Variants in KERA observed in about 807,000 individuals in gnomAD.
The protein encoded by KERA is keratan sulfate proteoglycan keratocan.
In KERA, 25 loss-of-function variants were observed where a neutral mutation model predicts 26.4. The ratio of observed to expected loss-of-function variants is 0.95; its 90% confidence interval spans 0.69 to 1.32. The LOEUF (loss-of-function observed/expected upper bound fraction) is 1.32, where lower values mean the gene tolerates loss of function less well. KERA is among the 40% of genes most tolerant of loss of function. KERA has a pLI of 0.00. For synonymous variants in KERA, 167 were observed against 146.1 expected, an observed-to-expected ratio of 1.14 and a Z score of -1.03; for missense variants, 434 against 408.9, an observed-to-expected ratio of 1.06 and a Z score of -0.53.
rs1220843886 is a variant in KERA at position 91,056,019 on chromosome 12, T to C, written c.263A>G (p.Glu88Gly). Residue 88 changes from glutamate (E) to glycine (G), a missense_variant, in exon 2 of 3, where the codon GAA (glutamate) becomes GGA (glycine). Physicochemically the swap from Glu to Gly is moderately conservative, Grantham distance 98 (BLOSUM62 -2). Transcript: ENST00000266719. ...LQNNLIETIP[E>G]KPFENATQLR... The stretch of plus-strand genomic sequence containing the variant: ...CTGGGTGGCATTCTCAAATGGCTTT[T>C]CAGGAATGGTTTCTATCAGGTTGTT... 1 of 1,610,194 alleles carries C rather than the reference T, an allele frequency of 6.2e-7. No homozygotes were observed. Among genetic ancestry groups the C allele is most frequent in the East Asian group, 2.2e-5 (1 of 44,798 alleles).
chr12:91,055,946 A>T lies in KERA; in HGVS notation c.336T>A (p.Ile112=). 5 of 1,611,072 alleles carry T rather than the reference A, an allele frequency of 3.1e-6. No homozygotes were observed. The highest frequency in any genetic ancestry group is 4.2e-6 in the Non-Finnish European group (5 of 1,178,144). The change falls in exon 2 of 3, where the codon ATT becomes ATA. Residue 112 remains isoleucine, a synonymous_variant. Coordinates refer to ENST00000266719, the MANE Select transcript of KERA (RefSeq NM_007035.4). ...TCAGCTGGCTTAGGGCTCCTTTTTC[A>T]ATTCCGTAGTTGGTTATTTTGTTCT... ...LNKNKITNYG[I]EKGALSQLKK...
At chr12:91,053,362 A>G (rs559441551) in intron 2 of KERA, among the ~76,000 whole-genome samples, 19 of 151,490 alleles carry the variant, frequency 1.3e-4, no homozygotes, top group African/African-American at 4.6e-4. Flanking sequence ...ATTATACTGT[A>G]TGAGTGAAAA....
intron 2 of KERA, among the ~76,000 whole-genome samples, chr12:91,054,428 G>A (rs1378884648): frequency 6.6e-6 from 1 of 151,134 alleles, no homozygotes; most frequent in Non-Finnish European, 1.5e-5. Flanking sequence ...ATTTTTAAAG[G>A]GTCTACTCTG....
rs1202916698 is a variant in KERA at position 91,055,602 on chromosome 12, C to T, written c.680G>A (p.Gly227Glu). 3.1e-6 allele frequency: 5 copies of T among 1,610,884 alleles called. No individual in the cohort carries two copies. Among genetic ancestry groups the T allele is most frequent in the Non-Finnish European group, 3.4e-6 (4 of 1,178,026 alleles). ...QLFLDNNSIE[G>E]IPENYFNVIP... is the part of the protein sequence containing the mutation. ...CACATTAAAATAATTTTCTGGTATT[C>T]CTTCAATGGAATTGTTGTCTAAAAA... Residue 227 changes from glycine to glutamate, a missense_variant, in exon 2 of 3, where the codon GGA becomes GAA. Physicochemically the swap from Gly to Glu is moderately conservative, Grantham distance 98. Transcript: ENST00000266719.
intron 1 of KERA, among the ~76,000 whole-genome samples, chr12:91,057,154 A>G (rs1043972986): frequency 1.3e-5 from 2 of 150,474 alleles, no homozygotes; most frequent in Admixed American, 1.3e-4. Context: ...AACAAAAACA[A>G]CCAAAAACAT....
chr12:91,056,091 T>C lies in KERA; in HGVS notation c.191A>G (p.Lys64Arg). 1 of 1,609,232 alleles carries C rather than the reference T, an allele frequency of 6.2e-7. No individual in the cohort carries two copies. The highest frequency in any genetic ancestry group is 8.5e-7 in the Non-Finnish European group (1 of 1,177,718). ...TCTTGAAGGAATAGCAGGAATTTCT[T>C]TGAGACCTCTATTTTCACAATATAA... ...TALYCENRGL[K>R]EIPAIPSRIW... Residue 64 changes from lysine to arginine, a missense_variant, in exon 2 of 3, where the codon AAA becomes AGA. Coordinates refer to ENST00000266719, the MANE Select transcript of KERA (RefSeq NM_007035.4).
At chr12:91,056,312 G>A in intron 1 of KERA, 23 bp from the exon 2 acceptor site, 1 of 1,580,076 alleles carries the variant, frequency 6.3e-7, no homozygotes, top group Non-Finnish European at 8.7e-7. Flanking sequence ...GAACACAACT[G>A]TTAGATATTT....
chr12:91,051,787 G>T (rs1305748804), intron 2 of KERA, among the ~76,000 whole-genome samples: 1 of 151,570 alleles, frequency 6.6e-6, no homozygotes, highest in Non-Finnish European at 1.5e-5. Flanking sequence ...ATCTGTGATA[G>T]AAACAAATGT....
At chr12:91,054,522 C>CT (rs1468824284) in intron 2 of KERA, among the ~76,000 whole-genome samples, 1 of 151,302 alleles carries the variant, frequency 6.6e-6, no homozygotes, top group East Asian at 1.9e-4. Flanking sequence ...CCAGCCTAGT[C>CT]TCATGCATAA....
At position 91,056,780 on chromosome 12, in the gene KERA, G is replaced by A. The variant is rs1427330333; in HGVS notation, c.-8-491C>T. ...TTGGCCCTTGAACCAAAGGAATGAA[G>A]GGATCAAAGAACATTTTAGCACTTT... On this transcript the variant is annotated intron_variant, in intron 1 of 2. Coordinates refer to ENST00000266719, the MANE Select transcript of KERA (RefSeq NM_007035.4). Among the ~76,000 whole-genome samples the A allele has an allele frequency of 2.0e-5, 3 of 151,152 alleles. No homozygotes were observed. In the East Asian group the frequency reaches 5.8e-4, roughly 29 times the overall value.
chr12:91,057,376 A>T (rs199685804), intron 1 of KERA, among the ~76,000 whole-genome samples: 1 of 218 alleles, frequency 4.6e-3, no homozygotes, highest in Non-Finnish European at 7.6e-3. Flanking sequence ...ATATATATTT[A>T]TATATATATA....
Position 91,055,512 on chromosome 12 carries a change from CTT to C in KERA, c.768_769del (p.Gly258IlefsTer2). ...TAGAATTGATGATACATCAAATCCT[CTT>C]GATGGGAGACCCTCATCTGACAGTT... On this transcript the variant is annotated frameshift_variant, in exon 2 of 3. Transcript: ENST00000266719. LOFTEE classifies it high-confidence loss of function. 1 of 1,609,872 alleles carries C rather than the reference CTT, an allele frequency of 6.2e-7. No homozygotes were observed. Among genetic ancestry groups the C allele is most frequent in the Non-Finnish European group, 8.5e-7 (1 of 1,177,456 alleles).
intron 2 of KERA, among the ~76,000 whole-genome samples, chr12:91,053,587 C>T (rs1002994160): frequency 4.0e-5 from 6 of 151,252 alleles, no homozygotes; most frequent in Non-Finnish European, 5.9e-5. Flanking sequence ...AACCTCTGAC[C>T]CAGCAAGTCA....
chr12:91,055,251 A>T, intron 2 of KERA, 145 bp downstream of exon 2: 2 of 749,358 alleles, frequency 2.7e-6, no homozygotes, highest in Non-Finnish European at 4.4e-6. Flanking sequence ...GACAAAATTT[A>T]ATACTGAAAA....
intron 2 of KERA, among the ~76,000 whole-genome samples, chr12:91,053,727 G>A (rs1358323623): frequency 6.6e-6 from 1 of 151,240 alleles, no homozygotes; most frequent in Admixed American, 6.6e-5. Flanking sequence ...ACTCTAAAAT[G>A]TGGGTCTATA....
intron 2 of KERA, among the ~76,000 whole-genome samples, chr12:91,053,350 T>A (rs1878911928): frequency 6.6e-6 from 1 of 151,422 alleles, no homozygotes; most frequent in African/African-American, 2.4e-5. Flanking sequence ...GAAAGTATTG[T>A]TATTATACTG....
chr12:91,055,291 A>G (rs1878963892), intron 2 of KERA, 105 bp downstream of exon 2: 1 of 1,018,656 alleles, frequency 9.8e-7, no homozygotes, highest in Non-Finnish European at 1.5e-6. Flanking sequence ...CTAAAGGAAC[A>G]TTAGCGGGGG....
In KERA at chr12:91,055,496, T is replaced by C. The variant is rs536160457; in HGVS notation, c.786A>G (p.Ser262=). 8.7e-6 allele frequency: 14 copies of C among 1,610,188 alleles called. No homozygotes were observed. The highest frequency in any genetic ancestry group is 1.2e-5 in the Non-Finnish European group (14 of 1,177,630). ...GCGACAGTTGAAGATCTAGAATTGA[T>C]GATACATCAAATCCTCTTGATGGGA... ...EGLPSRGFDV[S]SILDLQLSHN... Residue 262 remains serine, a synonymous_variant, in exon 2 of 3, where the codon TCA becomes TCG. Coordinates refer to ENST00000266719, the MANE Select transcript of KERA (RefSeq NM_007035.4).
rs909463593 is a variant in KERA at position 91,055,306 on chromosome 12, G to A, written c.886+90C>T. 9 of 1,142,454 alleles carry A rather than the reference G, an allele frequency of 7.9e-6. No homozygotes were observed. The African/African-American group carries it at 1.1e-4, about 14-fold the overall frequency. The allele number at this position is 1,142,454 out of a possible 1,614,324, so 70.8% of individuals were successfully genotyped here. ...CTAAAGGAACATTAGCGGGGGAGGG[G>A]GCAACACATTTGCTCTTCTTAATGA... On this transcript the variant is annotated intron_variant, in intron 2 of 2. Transcript: ENST00000266719.
Sources: gnomAD v4.1 joint callset for allele counts (sites outside exome capture counted in the v4.1 genomes callset) on GRCh38, gnomAD v4.1.1 for gene constraint, MANE v1.5 for transcripts, NCBI Gene and HGNC (gene_info 2026-07-23, HGNC 2026-07-21) for gene names.